Variants in RIMS1 observed in about 807,000 individuals in gnomAD.
RIMS1 encodes regulating synaptic membrane exocytosis 1.
A neutral mutation model predicts 214.1 loss-of-function variants in RIMS1; 83 were observed. The observed-to-expected ratio is 0.39, with a 90% CI of 0.32 to 0.47. The LOEUF (loss-of-function observed/expected upper bound fraction) is 0.47. Ranked by LOEUF, RIMS1 falls within the 20% of genes least tolerant of loss-of-function variation. The probability of loss-of-function intolerance (pLI) is 0.99; values close to 1 mark genes in which losing one functional copy is unlikely to be tolerated. For missense variants in RIMS1, 2,050 were observed against 2,161.8 expected (o/e 0.95, Z 1.03); for synonymous variants, 793 against 786.8 (o/e 1.01, Z -0.13).
chr6:71,974,455 G>C (rs1206149094), intron 2 of RIMS1, among the ~76,000 whole-genome samples: 1 of 152,098 alleles, frequency 6.6e-6, no homozygotes, highest in Non-Finnish European at 1.5e-5. Flanking sequence ...GTTTTATTTT[G>C]AAATTTGATT....
chr6:72,219,574 AG>A (rs770880690), intron 6 of RIMS1, among the ~76,000 whole-genome samples: 3 of 152,244 alleles, frequency 2.0e-5, no homozygotes, highest in South Asian at 4.1e-4. Flanking sequence ...ACTTCAGAAA[AG>A]GGGGTATATT....
intron 2 of RIMS1, among the ~76,000 whole-genome samples, chr6:72,089,886 T>A (rs1287091559): frequency 6.8e-6 from 1 of 147,886 alleles, no homozygotes; most frequent in South Asian, 2.2e-4. Context: ...TGGATGAAAT[T>A]GGAAATCATC....
intron 2 of RIMS1, among the ~76,000 whole-genome samples, chr6:72,029,749 C>T (rs564665579): frequency 3.3e-5 from 5 of 152,214 alleles, no homozygotes; most frequent in Middle Eastern, 6.8e-3. Context: ...CCCATATGCT[C>T]GAACACTCTA....
chr6:72,157,652 T>C (rs1221071079), intron 4 of RIMS1, among the ~76,000 whole-genome samples: 1 of 140,506 alleles, frequency 7.1e-6, no homozygotes, highest in Non-Finnish European at 1.6e-5. Context: ...TCTATCTTTC[T>C]GTATCCTTAT....
At chr6:72,204,016 C>T (rs1030038328) in intron 6 of RIMS1, among the ~76,000 whole-genome samples, 6 of 152,114 alleles carry the variant, frequency 3.9e-5, no homozygotes, top group Admixed American at 2.0e-4. Flanking sequence ...AATGATTTAA[C>T]TTATGTTTGG....
chr6:71,887,184 T>C lies in RIMS1; in HGVS notation c.161T>C (p.Leu54Pro). The C allele has an allele frequency of 6.2e-7, 1 of 1,604,314 alleles. No individual in the cohort carries two copies. Among genetic ancestry groups the C allele is most frequent in the Non-Finnish European group, 8.5e-7 (1 of 1,175,822 alleles). ...GAGGAGGAAAAAGAAGAAGCCATGC[T>C]CAAGTAAGCCAGCCCCAGCCGCGCC... ...KEEEEKEEAM[L>P]KCVVRDMAKP... The change falls in exon 1 of 34, where the codon CTC (leucine) becomes CCC (proline). Residue 54 changes from leucine (L) to proline (P), a missense_variant. Coordinates refer to ENST00000521978, the MANE Select transcript of RIMS1 (RefSeq NM_014989.7).
intron 4 of RIMS1, among the ~76,000 whole-genome samples, chr6:72,122,541 A>C (rs903225977): frequency 1.3e-5 from 2 of 151,784 alleles, no homozygotes; most frequent in Non-Finnish European, 2.9e-5. Context: ...GAATAGTTTC[A>C]GAAGGAATGG....
At chr6:72,199,036 CAT>C (rs1464689982) in intron 6 of RIMS1, among the ~76,000 whole-genome samples, 1 of 151,906 alleles carries the variant, frequency 6.6e-6, no homozygotes, top group Non-Finnish European at 1.5e-5. Flanking sequence ...CCCTGAATGA[CAT>C]GTGCAAAAAG....
chr6:72,308,075 A>G (rs1016393978), intron 27 of RIMS1, among the ~76,000 whole-genome samples: 5 of 152,134 alleles, frequency 3.3e-5, no homozygotes, highest in African/African-American at 9.6e-5. Flanking sequence ...ATATTTGACT[A>G]TTGATATTTG....
chr6:72,271,284 AAAATATATATATATATAT>A (rs1369241156), intron 22 of RIMS1, among the ~76,000 whole-genome samples: 2 of 23,950 alleles, frequency 8.4e-5, no homozygotes, highest in African/African-American at 1.9e-4. Flanking sequence ...AAAAAAAAAA[AAAATATATATATATATAT>A]ATATATATAT....
At chr6:72,019,992 T>A (rs1438465394) in intron 2 of RIMS1, among the ~76,000 whole-genome samples, 2 of 152,148 alleles carry the variant, frequency 1.3e-5, no homozygotes, top group East Asian at 3.9e-4. Flanking sequence ...TGTAACACCA[T>A]CCCAAAGAGC....
chr6:72,038,455 G>A (rs1420561768), intron 2 of RIMS1, among the ~76,000 whole-genome samples: 1 of 151,998 alleles, frequency 6.6e-6, no homozygotes, highest in Non-Finnish European at 1.5e-5. Context: ...AAATGTTCAT[G>A]TCACTTTAAA....
At chr6:72,020,075 C>T (rs1814133160) in intron 2 of RIMS1, among the ~76,000 whole-genome samples, 1 of 152,186 alleles carries the variant, frequency 6.6e-6, no homozygotes, top group African/African-American at 2.4e-5. Context: ...CTCAACTTCT[C>T]AGAGTGTTTT....
intron 22 of RIMS1, among the ~76,000 whole-genome samples, chr6:72,269,555 C>T (rs1300846496): frequency 6.6e-6 from 1 of 152,156 alleles, no homozygotes; most frequent in African/African-American, 2.4e-5. Flanking sequence ...ACTTCAGTCC[C>T]TTTACAGCAA....
chr6:71,921,651 C>A (rs570066828), intron 1 of RIMS1, among the ~76,000 whole-genome samples: 1 of 152,212 alleles, frequency 6.6e-6, no homozygotes, highest in East Asian at 1.9e-4. Context: ...AAAGAGATGA[C>A]AAGTTTTTGA....
rs140705159 is a variant in RIMS1 at position 72,157,387 on chromosome 6, T to G, written c.472-22188T>G. Among the ~76,000 whole-genome samples, 1,128 of 140,568 alleles carry G rather than the reference T, an allele frequency of 8.0e-3. 210 individuals are homozygous for G. The highest frequency in any genetic ancestry group is 0.012 in the Non-Finnish European group (763 of 61,836). 92.2% of individuals were successfully genotyped at this position (140,568 alleles called of 152,430 possible). Reference sequence around the variant, plus strand: ...TATGTTCTGTCAGTTACAGATGTGTTTCTGTCTCCCACTGTATTTGTGATT... The same window carrying G: ...TATGTTCTGTCAGTTACAGATGTGTGTCTGTCTCCCACTGTATTTGTGATT... On this transcript the variant is annotated intron_variant, in intron 4 of 33. Coordinates refer to ENST00000521978, the MANE Select transcript of RIMS1 (RefSeq NM_014989.7).
At chr6:72,249,830 A>G (rs992263174) in intron 12 of RIMS1, among the ~76,000 whole-genome samples, 2 of 152,110 alleles carry the variant, frequency 1.3e-5, no homozygotes, top group Non-Finnish European at 2.9e-5. Context: ...CCTGTATAAA[A>G]TAGGCCCACA....
intron 26 of RIMS1, among the ~76,000 whole-genome samples, chr6:72,301,050 C>T (rs1166575272): frequency 6.6e-6 from 1 of 151,722 alleles, no homozygotes; most frequent in African/African-American, 2.4e-5. Flanking sequence ...ATTGCATTTT[C>T]TGTTTCTCAT....
intron 6 of RIMS1, among the ~76,000 whole-genome samples, chr6:72,216,195 A>G (rs1225236359): frequency 6.6e-6 from 1 of 152,214 alleles, no homozygotes; most frequent in African/African-American, 2.4e-5. Context: ...CTGTAACACA[A>G]AATATGGGTG....
Sources: allele counts gnomAD v4.1 joint callset (sites outside exome capture counted in the v4.1 genomes callset), GRCh38; gene constraint gnomAD v4.1.1; transcripts MANE v1.5; gene names NCBI Gene and HGNC (gene_info 2026-07-23, HGNC 2026-07-21).